OXR1: variants seen among roughly 807,000 people sequenced by gnomAD.
OXR1 encodes oxidation resistance protein 1.
In OXR1, 41 loss-of-function variants were observed where a neutral mutation model predicts 104.6. The ratio of observed to expected loss-of-function variants is 0.39; its 90% CI spans 0.31 to 0.51. OXR1 has a LOEUF of 0.51. Among genes scored for constraint, OXR1 ranks in the 20% least tolerant of loss-of-function variants. The pLI is 0.77. For missense variants in OXR1, 955 were observed against 1,031.9 expected, an observed-to-expected ratio of 0.93 and a Z score of 1.02; for synonymous variants, 348 against 348.4, an observed-to-expected ratio of 1.00 and a Z score of 0.01.
intron 2 of OXR1, among the ~76,000 whole-genome samples, chr8:106,378,629 C>G (rs1362668177): frequency 6.6e-6 from 1 of 152,174 alleles, no homozygotes; most frequent in Admixed American, 6.5e-5. Context: ...CCTGCCTCAG[C>G]CTCCCGAGTA....
intron 4 of OXR1, among the ~76,000 whole-genome samples, chr8:106,681,284 G>A (rs1054373143): frequency 3.3e-5 from 5 of 151,768 alleles, no homozygotes; most frequent in African/African-American, 1.2e-4. Context: ...ATATTATCTC[G>A]GTAACATAGG....
intron 12 of OXR1, among the ~76,000 whole-genome samples, 153 bp downstream of exon 12, chr8:106,737,753 A>C (rs1834532597): frequency 1.3e-5 from 2 of 152,064 alleles, no homozygotes; most frequent in Non-Finnish European, 2.9e-5. Context: ...TATTGCCGTG[A>C]AGAGCTGTGG....
intron 6 of OXR1, among the ~76,000 whole-genome samples, chr8:106,690,954 G>T (rs1380062435): frequency 6.6e-6 from 1 of 151,702 alleles, no homozygotes; most frequent in Admixed American, 6.6e-5. Flanking sequence ...ATTTTCAATC[G>T]CAAAAGAGGA....
At chr8:106,427,558 C>T (rs1368022669) in intron 2 of OXR1, among the ~76,000 whole-genome samples, 5 of 152,152 alleles carry the variant, frequency 3.3e-5, no homozygotes, top group Non-Finnish European at 7.3e-5. Context: ...TCATCAGTTG[C>T]TTTAACTTGG....
At chr8:106,681,843 G>A (rs1828187062) in intron 4 of OXR1, among the ~76,000 whole-genome samples, 2 of 152,028 alleles carry the variant, frequency 1.3e-5, no homozygotes, top group South Asian at 2.1e-4. Flanking sequence ...CCTCTTTATC[G>A]TTTTTAGAGA....
chr8:106,547,381 G>A (rs191125272), intron 3 of OXR1, among the ~76,000 whole-genome samples: 193 of 152,116 alleles, frequency 1.3e-3, no homozygotes, highest in African/African-American at 4.4e-3. Context: ...GTACCTCATA[G>A]AAGTGGACTC....
At chr8:106,418,886 T>G (rs1818790452) in intron 2 of OXR1, among the ~76,000 whole-genome samples, 4 of 151,998 alleles carry the variant, frequency 2.6e-5, no homozygotes, top group African/African-American at 9.7e-5. Flanking sequence ...TTCAGAGTCA[T>G]TTTACATTTT....
chr8:106,689,087 T>C (rs1378183933), intron 6 of OXR1, among the ~76,000 whole-genome samples: 3 of 152,098 alleles, frequency 2.0e-5, no homozygotes, highest in Non-Finnish European at 4.4e-5. Flanking sequence ...GGGTGACAAA[T>C]TGGGTGGGTT....
At chr8:106,498,673 G>A (rs1811572280) in intron 2 of OXR1, among the ~76,000 whole-genome samples, 1 of 152,120 alleles carries the variant, frequency 6.6e-6, no homozygotes, top group South Asian at 2.1e-4. Context: ...GTGTGTGCTT[G>A]TAAGTGCATG....
chr8:106,655,934 C>T (rs1367321988), intron 3 of OXR1, among the ~76,000 whole-genome samples: 2 of 152,086 alleles, frequency 1.3e-5, no homozygotes, highest in Non-Finnish European at 2.9e-5. Context: ...ATGAAGCTTC[C>T]TGCAAATGTT....
At chr8:106,359,437 C>T in intron 1 of OXR1, 39 bp from the exon 2 acceptor site, 1 of 565,728 alleles carries the variant, frequency 1.8e-6, no homozygotes, top group Non-Finnish European at 3.2e-6. Context: ...CCACATAGAC[C>T]AGGTACTAGA....
At chr8:106,315,405 AAATCCCAAGAT>A (rs1167445758) in intron 1 of OXR1, among the ~76,000 whole-genome samples, 1 of 152,188 alleles carries the variant, frequency 6.6e-6, no homozygotes, top group Non-Finnish European at 1.5e-5. Flanking sequence ...TATATATGTT[AAATCCCAAGAT>A]AAAATATCCT....
At chr8:106,513,867 G>T (rs1204280141) in intron 2 of OXR1, among the ~76,000 whole-genome samples, 3 of 152,126 alleles carry the variant, frequency 2.0e-5, no homozygotes, top group Non-Finnish European at 4.4e-5. Flanking sequence ...TATAGATGAG[G>T]AGAGTGAGTC....
intron 3 of OXR1, among the ~76,000 whole-genome samples, chr8:106,592,823 T>C (rs1819200840): frequency 6.6e-6 from 1 of 152,140 alleles, no homozygotes; most frequent in Non-Finnish European, 1.5e-5. Context: ...ACCTGATTTA[T>C]GGTATAAGGA....
intron 13 of OXR1, among the ~76,000 whole-genome samples, 155 bp downstream of exon 13, chr8:106,739,738 GTTAA>G (rs34123736): frequency 0.12 from 18,641 of 152,152 alleles, 1,410 homozygotes; most frequent in East Asian, 0.33. Context: ...AGCAACTAGT[GTTAA>G]TTAAGATGTT....
At chr8:106,427,058 C>T (rs555985653) in intron 2 of OXR1, among the ~76,000 whole-genome samples, 1 of 152,248 alleles carries the variant, frequency 6.6e-6, no homozygotes, top group Admixed American at 6.5e-5. Flanking sequence ...TGACTGTATT[C>T]ACTGAAGCCC....
chr8:106,332,282 T>C (rs1444389899), intron 1 of OXR1, among the ~76,000 whole-genome samples: 1 of 152,198 alleles, frequency 6.6e-6, no homozygotes, highest in Non-Finnish European at 1.5e-5. Context: ...ATGTTTCTTC[T>C]TCCAGTTGAA....
chr8:106,353,497 G>A (rs1277511953), intron 1 of OXR1, among the ~76,000 whole-genome samples: 1 of 151,842 alleles, frequency 6.6e-6, no homozygotes, highest in Non-Finnish European at 1.5e-5. Flanking sequence ...CATAATTCAA[G>A]TGTAAGAATA....
At chr8:106,674,376 A>C (rs1827352569) in intron 3 of OXR1, among the ~76,000 whole-genome samples, 1 of 152,154 alleles carries the variant, frequency 6.6e-6, no homozygotes, top group African/African-American at 2.4e-5. Context: ...AATTTCTACC[A>C]TTTGGAACAG....
Sources: gnomAD v4.1 joint callset for allele counts (sites outside exome capture counted in the v4.1 genomes callset) on GRCh38, gnomAD v4.1.1 for gene constraint, MANE v1.5 for transcripts, NCBI Gene and HGNC (gene_info 2026-07-23, HGNC 2026-07-21) for gene names.